Variants in LMAN2L observed in about 807,000 individuals in gnomAD.
The protein encoded by LMAN2L is VIP36-like protein.
A neutral mutation model predicts 44.3 loss-of-function variants in LMAN2L; 30 were observed. The observed-to-expected ratio is 0.68, with a 90% CI of 0.51 to 0.92. The LOEUF is 0.92. Ranked by LOEUF, LMAN2L falls within the 40% of genes least tolerant of loss-of-function variation. The pLI is 0.00. For missense variants in LMAN2L, 429 were observed against 446.1 expected, an observed-to-expected ratio of 0.96 and a Z score of 0.35; for synonymous variants, 183 against 171.1, an observed-to-expected ratio of 1.07 and a Z score of -0.54.
chr2:96,724,048 G>A (rs1261442226), intron 4 of LMAN2L, among the ~76,000 whole-genome samples: 3 of 151,458 alleles, frequency 2.0e-5, no homozygotes, highest in African/African-American at 2.4e-5. Flanking sequence ...GCAGTGAGCC[G>A]AGATCGTGCC....
intron 2 of LMAN2L, chr2:96,737,084 G>C (rs2078531470): frequency 1.1e-5 from 5 of 444,578 alleles, no homozygotes; most frequent in Admixed American, 1.0e-4. Context: ...AAAGTAAACT[G>C]GTCGTAAAAG....
intron 4 of LMAN2L, among the ~76,000 whole-genome samples, chr2:96,732,810 C>A (rs2078432974): frequency 7.0e-6 from 1 of 143,492 alleles, no homozygotes; most frequent in Non-Finnish European, 1.5e-5. Context: ...TTTTTTGAGA[C>A]AAGAGTCTCA....
chr2:96,730,753 C>T (rs574471384), intron 4 of LMAN2L, among the ~76,000 whole-genome samples: 1 of 152,268 alleles, frequency 6.6e-6, no homozygotes, highest in Admixed American at 6.5e-5. Flanking sequence ...GCTCACACTG[C>T]AACCTCCACC....
intron 4 of LMAN2L, among the ~76,000 whole-genome samples, chr2:96,729,989 G>C (rs953809405): frequency 1.3e-5 from 2 of 152,102 alleles, no homozygotes; most frequent in African/African-American, 4.8e-5. Flanking sequence ...AAGTTCTCCA[G>C]GGAATTACAA....
intron 6 of LMAN2L, 146 bp downstream of exon 6, chr2:96,711,510 A>G (rs2077915319): frequency 4.9e-6 from 3 of 615,272 alleles, no homozygotes; most frequent in African/African-American, 3.7e-5. Flanking sequence ...GAATGTGGAT[A>G]TAAGAATGCA....
At position 96,706,915 on chromosome 2, in the gene LMAN2L, A is replaced by G. The variant is rs2077794948; in HGVS notation, c.*341T>C. The G allele has an allele frequency of 5.8e-6, 1 of 171,986 alleles. No individual in the cohort carries two copies. 10.7% of individuals were successfully genotyped at this position (171,986 alleles called of 1,614,324 possible). A position where few individuals can be genotyped will look rare whatever the true frequency, so the allele number is the denominator to read the frequency against. ...TGAAGTAGAAGGGCCTTCTGAGTCA[A>G]ACAACACGGCAGCCTGGGCTATGAA... On this transcript the variant is annotated 3_prime_UTR_variant, in exon 8 of 8. Coordinates refer to ENST00000264963, the MANE Select transcript of LMAN2L (RefSeq NM_030805.4).
At chr2:96,720,598 C>T (rs1219297255) in intron 4 of LMAN2L, among the ~76,000 whole-genome samples, 2 of 151,740 alleles carry the variant, frequency 1.3e-5, no homozygotes, top group Non-Finnish European at 2.9e-5. Flanking sequence ...ATTATAGGCA[C>T]GAGCTACTGT....
chr2:96,735,468 C>T (rs571607942), intron 2 of LMAN2L, among the ~76,000 whole-genome samples: 71 of 152,292 alleles, frequency 4.7e-4, no homozygotes, highest in Non-Finnish European at 5.0e-4. Flanking sequence ...GAGCAAGGGG[C>T]CTGAAATCTC....
At chr2:96,708,705 G>A (rs2077842129) in intron 6 of LMAN2L, among the ~76,000 whole-genome samples, 1 of 152,016 alleles carries the variant, frequency 6.6e-6, no homozygotes, top group Non-Finnish European at 1.5e-5. Context: ...CCATGGGCAG[G>A]GCACAGCTAT....
intron 2 of LMAN2L, among the ~76,000 whole-genome samples, chr2:96,735,703 T>G (rs1269555755): frequency 1.3e-5 from 2 of 151,598 alleles, no homozygotes; most frequent in African/African-American, 4.9e-5. Flanking sequence ...GCCGGTGTGG[T>G]GGTGGGCGCC....
At chr2:96,731,255 G>A (rs1225696742) in intron 4 of LMAN2L, among the ~76,000 whole-genome samples, 1 of 152,200 alleles carries the variant, frequency 6.6e-6, no homozygotes, top group Non-Finnish European at 1.5e-5. Context: ...GTTAATGTAT[G>A]TGGAATGAAG....
intron 2 of LMAN2L, among the ~76,000 whole-genome samples, chr2:96,734,984 G>C (rs2078483883): frequency 6.6e-6 from 1 of 152,146 alleles, no homozygotes. Flanking sequence ...AGTAGAAAAA[G>C]AAAAGCTAAG....
chr2:96,724,499 A>AT (rs1317733460), intron 4 of LMAN2L, among the ~76,000 whole-genome samples: 43 of 151,900 alleles, frequency 2.8e-4, no homozygotes, highest in Admixed American at 2.8e-3. Flanking sequence ...TCCTCCAATA[A>AT]TTTTTTTTAC....
chr2:96,725,948 A>G (rs2078261209), intron 4 of LMAN2L, among the ~76,000 whole-genome samples: 1 of 151,784 alleles, frequency 6.6e-6, no homozygotes, highest in South Asian at 2.1e-4. Flanking sequence ...CCTGACCAAC[A>G]TGGTGAAACC....
intron 4 of LMAN2L, among the ~76,000 whole-genome samples, chr2:96,728,505 CAAAA>C (rs61588722): frequency 2.3e-5 from 2 of 87,818 alleles, no homozygotes; most frequent in Non-Finnish European, 2.2e-5. Flanking sequence ...GACTCCGTCT[CAAAA>C]AAAAAAAAAA....
chr2:96,717,411 A>C (rs1446550326), intron 4 of LMAN2L, among the ~76,000 whole-genome samples: 1 of 151,828 alleles, frequency 6.6e-6, no homozygotes, highest in Non-Finnish European at 1.5e-5. Flanking sequence ...ATGCACCTGT[A>C]GTCCCAGCTA....
intron 4 of LMAN2L, among the ~76,000 whole-genome samples, chr2:96,727,501 G>A (rs1289640122): frequency 6.6e-6 from 1 of 152,094 alleles, no homozygotes; most frequent in East Asian, 1.9e-4. Context: ...GTGTGGTGGC[G>A]CATGCCTGTG....
At chr2:96,712,578 G>GAATTTT (rs1439244992) in intron 4 of LMAN2L, among the ~76,000 whole-genome samples, 3 of 152,186 alleles carry the variant, frequency 2.0e-5, no homozygotes, top group African/African-American at 7.2e-5. Context: ...AAGCATATAA[G>GAATTTT]GCTAAATGGA....
intron 4 of LMAN2L, among the ~76,000 whole-genome samples, chr2:96,713,388 A>G (rs781548393): frequency 1.3e-5 from 2 of 152,178 alleles, no homozygotes; most frequent in Non-Finnish European, 2.9e-5. Flanking sequence ...CTGTTACTAT[A>G]TCAGATTCTC....
Sources: gnomAD v4.1 joint callset for allele counts (sites outside exome capture counted in the v4.1 genomes callset) on GRCh38, gnomAD v4.1.1 for gene constraint, MANE v1.5 for transcripts, NCBI Gene and HGNC (gene_info 2026-07-23, HGNC 2026-07-21) for gene names.